PLCB1: variants seen among roughly 807,000 people sequenced by gnomAD.
PLCB1 encodes the protein 1-phosphatidylinositol 4,5-bisphosphate phosphodiesterase beta-1.
A neutral mutation model predicts 161.8 loss-of-function variants in PLCB1; 46 were observed. The observed-to-expected ratio is 0.28, with a 90% CI of 0.22 to 0.36. PLCB1 has a LOEUF of 0.36. PLCB1 is among the 10% of genes least tolerant of loss of function. PLCB1 has a pLI of 1.00. For missense variants in PLCB1, 1,016 were observed against 1,472.5 expected (o/e 0.69, Z 5.07); for synonymous variants, 517 against 503.7 (o/e 1.03, Z -0.35).
At chr20:8,297,527 A>G (rs939489848) in intron 2 of PLCB1, among the ~76,000 whole-genome samples, 2 of 152,192 alleles carry the variant, frequency 1.3e-5, no homozygotes, top group Admixed American at 6.6e-5. Flanking sequence ...AAAAATTCCA[A>G]AAGGGAAGTG....
intron 3 of PLCB1, among the ~76,000 whole-genome samples, chr20:8,529,095 G>A (rs945870213): frequency 1.3e-5 from 2 of 151,928 alleles, no homozygotes; most frequent in African/African-American, 4.8e-5. Flanking sequence ...CCTTTGTACT[G>A]AAATTTTTAA....
chr20:8,741,214 T>C (rs1980861845), intron 22 of PLCB1, among the ~76,000 whole-genome samples: 1 of 152,222 alleles, frequency 6.6e-6, no homozygotes, highest in South Asian at 2.1e-4. Flanking sequence ...TCTCTCTTCC[T>C]GAAGTTTCAA....
chr20:8,523,556 A>C (rs562462025), intron 3 of PLCB1, among the ~76,000 whole-genome samples: 45 of 141,376 alleles, frequency 3.2e-4, no homozygotes, highest in African/African-American at 1.1e-3. Flanking sequence ...AAAGAGAAAA[A>C]AAGGAAAGCA....
At chr20:8,648,829 T>A (rs1247821112) in intron 6 of PLCB1, among the ~76,000 whole-genome samples, 1 of 151,718 alleles carries the variant, frequency 6.6e-6, no homozygotes, top group Non-Finnish European at 1.5e-5. Context: ...TAGTTCTAAC[T>A]ACTAGGGAGG....
At chr20:8,220,734 G>GAATA (rs1979361155) in intron 2 of PLCB1, among the ~76,000 whole-genome samples, 1 of 152,186 alleles carries the variant, frequency 6.6e-6, no homozygotes, top group African/African-American at 2.4e-5. Context: ...AACTGTGAGA[G>GAATA]AATAAATGTC....
At chr20:8,229,965 A>G (rs1979923328) in intron 2 of PLCB1, among the ~76,000 whole-genome samples, 1 of 145,022 alleles carries the variant, frequency 6.9e-6, no homozygotes, top group East Asian at 2.2e-4. Context: ...CTGAGGTGGG[A>G]GTATCACTTG....
intron 2 of PLCB1, among the ~76,000 whole-genome samples, chr20:8,334,836 A>T (rs1477027940): frequency 6.6e-6 from 1 of 152,172 alleles, no homozygotes; most frequent in African/African-American, 2.4e-5. Flanking sequence ...CCTCTGCCCC[A>T]TGCTTTTCCA....
intron 2 of PLCB1, among the ~76,000 whole-genome samples, chr20:8,358,905 T>G (rs765926551): frequency 1.3e-5 from 2 of 152,234 alleles, no homozygotes; most frequent in Non-Finnish European, 2.9e-5. Flanking sequence ...TGCACTGTGC[T>G]TCCACCTTTC....
intron 2 of PLCB1, among the ~76,000 whole-genome samples, chr20:8,336,782 A>G (rs1985596875): frequency 6.6e-6 from 1 of 152,214 alleles, no homozygotes; most frequent in African/African-American, 2.4e-5. Flanking sequence ...TCTATGGAAA[A>G]GAATGTTGAT....
At chr20:8,704,384 A>G (rs979365223) in intron 11 of PLCB1, among the ~76,000 whole-genome samples, 13 of 152,184 alleles carry the variant, frequency 8.5e-5, no homozygotes, top group Non-Finnish European at 1.5e-4. Flanking sequence ...AAAGTTAGCA[A>G]AGACTAATTA....
intron 2 of PLCB1, among the ~76,000 whole-genome samples, chr20:8,319,223 C>T (rs890680913): frequency 2.0e-5 from 3 of 152,124 alleles, no homozygotes; most frequent in African/African-American, 7.2e-5. Context: ...TAACTAATTA[C>T]TCCCAACCTC....
At chr20:8,869,101 C>A (rs1987525914) in intron 31 of PLCB1, among the ~76,000 whole-genome samples, 1 of 152,200 alleles carries the variant, frequency 6.6e-6, no homozygotes, top group Admixed American at 6.5e-5. Context: ...CCCCAGAGCA[C>A]AGGATCTTCA....
At chr20:8,621,853 T>A (rs1306568700) in intron 3 of PLCB1, among the ~76,000 whole-genome samples, 1 of 152,210 alleles carries the variant, frequency 6.6e-6, no homozygotes, top group African/African-American at 2.4e-5. Flanking sequence ...GCACCTCATG[T>A]GAAATTGGAA....
chr20:8,770,368 G>A (rs1982613597), intron 26 of PLCB1, among the ~76,000 whole-genome samples: 1 of 152,208 alleles, frequency 6.6e-6, no homozygotes, highest in Non-Finnish European at 1.5e-5. Flanking sequence ...TAGTTACACA[G>A]CCAGTTCAAG....
intron 3 of PLCB1, among the ~76,000 whole-genome samples, chr20:8,514,214 C>T (rs1984011822): frequency 6.6e-6 from 1 of 151,082 alleles, no homozygotes; most frequent in Non-Finnish European, 1.5e-5. Flanking sequence ...CCGAGGTGGG[C>T]AGATTGCCTG....
chr20:8,203,392 T>A (rs146274709), intron 2 of PLCB1, among the ~76,000 whole-genome samples: 3 of 152,286 alleles, frequency 2.0e-5, no homozygotes, highest in African/African-American at 7.2e-5. Flanking sequence ...AATTGTTTTA[T>A]TTTTAAAATA....
At chr20:8,527,453 A>G (rs996457854) in intron 3 of PLCB1, among the ~76,000 whole-genome samples, 7 of 152,144 alleles carry the variant, frequency 4.6e-5, no homozygotes, top group Non-Finnish European at 1.0e-4. Context: ...TATTACACTG[A>G]ATGTTTTACC....
intron 1 of PLCB1, among the ~76,000 whole-genome samples, chr20:8,145,292 A>C (rs2123022812): frequency 6.6e-6 from 1 of 152,170 alleles, no homozygotes; most frequent in African/African-American, 2.4e-5. Context: ...TTCTCTTCTT[A>C]TAAGGACACC....
At chr20:8,459,141 T>G (rs1169271022) in intron 3 of PLCB1, among the ~76,000 whole-genome samples, 2 of 152,212 alleles carry the variant, frequency 1.3e-5, no homozygotes, top group Non-Finnish European at 2.9e-5. Flanking sequence ...GGTTATAACA[T>G]GAACCGAGAA....
Sources: gnomAD v4.1 joint callset for allele counts (sites outside exome capture counted in the v4.1 genomes callset) on GRCh38, gnomAD v4.1.1 for gene constraint, MANE v1.5 for transcripts, NCBI Gene and HGNC (gene_info 2026-07-23, HGNC 2026-07-21) for gene names.